The following ZNF66 variants were observed in gnomAD, a reference collection of about 807,000 sequenced individuals.
ZNF66 encodes the protein zinc finger protein 66, also known as putative zinc finger protein 66.
A neutral mutation model predicts 35.2 loss-of-function variants in ZNF66; 32 were observed. That is an observed-to-expected ratio of 0.91 (90% CI 0.69 to 1.22). ZNF66 has a LOEUF of 1.22. Ranked by LOEUF, ZNF66 falls within the 50% of genes most tolerant of loss-of-function variation. ZNF66 has a pLI of 0.00. For missense variants in ZNF66, 666 were observed against 543.1 expected, an observed-to-expected ratio of 1.23 and a Z score of -2.25; for synonymous variants, 231 against 181.3, an observed-to-expected ratio of 1.27 and a Z score of -2.20.
At chr19:20,776,540 C>CG in intron 1 of ZNF66, 90 bp downstream of exon 1, 1 of 1,424,862 alleles carries the variant, frequency 7.0e-7, no homozygotes. Flanking sequence ...ATCTGCACCC[C>CG]GAATTCTCCT....
intron 3 of ZNF66, among the ~76,000 whole-genome samples, chr19:20,801,870 C>A (rs567597505): frequency 2.1e-5 from 3 of 139,962 alleles, no homozygotes; most frequent in African/African-American, 8.0e-5. Context: ...ATCAAGTAAT[C>A]GGCCCACCTT....
At chr19:20,790,129 G>A (rs1431954163) in intron 1 of ZNF66, among the ~76,000 whole-genome samples, 1 of 152,216 alleles carries the variant, frequency 6.6e-6, no homozygotes, top group Non-Finnish European at 1.5e-5. Context: ...ATAAAGTGGG[G>A]CCAAAATTAC....
At chr19:20,792,904 T>TAA (rs995423904) in intron 2 of ZNF66, among the ~76,000 whole-genome samples, 6 of 151,770 alleles carry the variant, frequency 4.0e-5, no homozygotes, top group Non-Finnish European at 5.9e-5. Flanking sequence ...CCAACTCTAA[T>TAA]AAAAGTACAA....
At position 20,806,074 on chromosome 19, in the gene ZNF66, AAATACAAACAGACATAAGAT is replaced by A; in HGVS notation, c.477_496del (p.Asn159LysfsTer18). 1 of 864,884 alleles carries A rather than the reference AAATACAAACAGACATAAGAT, an allele frequency of 1.2e-6. No homozygotes were observed. Among genetic ancestry groups the A allele is most frequent in the Non-Finnish European group, 1.9e-6 (1 of 518,342 alleles). 53.6% of individuals were successfully genotyped at this position (864,884 alleles called of 1,614,324 possible). A position where few individuals can be genotyped will look rare whatever the true frequency, so the allele number is the denominator to read the frequency against. ...ATGGGAAAGTCTTTCATCAATTTTCAAATACAAACAGACATAAGATAAGACATACTGGAAAAAACCCTTGC... is the reference window on the plus strand; with the variant it reads ...ATGGGAAAGTCTTTCATCAATTTTCAAAGACATACTGGAAAAAACCCTTGC... On this transcript the variant is annotated frameshift_variant, in exon 4 of 4. Transcript: ENST00000344519. LOFTEE classifies it high-confidence loss of function.
chr19:20,787,326 A>AAT (rs1568495021), intron 1 of ZNF66, among the ~76,000 whole-genome samples: 1 of 151,934 alleles, frequency 6.6e-6, no homozygotes, highest in Non-Finnish European at 1.5e-5. Context: ...AGCCTTTTTT[A>AAT]ATATATATAT....
At chr19:20,793,285 C>T (rs959679974) in intron 2 of ZNF66, among the ~76,000 whole-genome samples, 17 of 147,668 alleles carry the variant, frequency 1.2e-4, no homozygotes, top group Admixed American at 3.4e-4. Flanking sequence ...AGGAAACCTA[C>T]AAATTGAAAG....
intron 3 of ZNF66, chr19:20,798,985 C>T (rs1971421050): frequency 6.6e-6 from 1 of 151,012 alleles, no homozygotes; most frequent in Non-Finnish European, 1.5e-5. Context: ...CATGTATTTT[C>T]AATTATGTCT....
intron 3 of ZNF66, among the ~76,000 whole-genome samples, chr19:20,801,727 G>C (rs1053366072): frequency 2.6e-5 from 4 of 152,008 alleles, no homozygotes; most frequent in African/African-American, 9.7e-5. Context: ...CCCAAACTCA[G>C]ATGATCCTCT....
intron 3 of ZNF66, among the ~76,000 whole-genome samples, chr19:20,799,662 A>T (rs546682633): frequency 2.6e-5 from 4 of 152,276 alleles, no homozygotes; most frequent in Admixed American, 6.5e-5. Flanking sequence ...CAGTGTTGAC[A>T]TTCAGTTTTC....
At chr19:20,777,262 A>C (rs1971204071) in intron 1 of ZNF66, among the ~76,000 whole-genome samples, 1 of 152,080 alleles carries the variant, frequency 6.6e-6, no homozygotes, top group South Asian at 2.1e-4. Context: ...AGACATTTAT[A>C]AAATGCATGA....
chr19:20,794,561 T>G (rs1358220555), intron 3 of ZNF66: 1 of 151,742 alleles, frequency 6.6e-6, no homozygotes, highest in Non-Finnish European at 1.5e-5. Flanking sequence ...TAATATTTAT[T>G]CTTTTAATTC....
intron 1 of ZNF66, among the ~76,000 whole-genome samples, chr19:20,776,741 A>T (rs1971198485): frequency 6.6e-6 from 1 of 152,084 alleles, no homozygotes; most frequent in Non-Finnish European, 1.5e-5. Context: ...TCTTCAGGGG[A>T]GAATGCTGAC....
intron 1 of ZNF66, among the ~76,000 whole-genome samples, chr19:20,790,091 C>T (rs1479541394): frequency 6.6e-6 from 1 of 152,120 alleles, no homozygotes; most frequent in Admixed American, 6.5e-5. Flanking sequence ...ATGCATAGAC[C>T]CTTTTCAAAT....
chr19:20,799,078 T>TTTTTTTTTTTTTTTTTTTTTTC (rs1460346688), intron 3 of ZNF66: 3 of 139,994 alleles, frequency 2.1e-5, no homozygotes, highest in African/African-American at 8.0e-5. Context: ...TTTTTTTTTT[T>TTTTTTTTTTTTTTTTTTTTTTC]TGAGATGGAA....
At chr19:20,805,773 T>C (rs540344149) in intron 3 of ZNF66, 54 bp from the exon 4 acceptor site, 1 of 491,790 alleles carries the variant, frequency 2.0e-6, no homozygotes, top group African/African-American at 2.0e-5. Flanking sequence ...ATTTGTAAAG[T>C]ATATTTATCT....
At chr19:20,791,972 C>T (rs774096446) in intron 1 of ZNF66, among the ~76,000 whole-genome samples, 1 of 151,848 alleles carries the variant, frequency 6.6e-6, no homozygotes, top group Non-Finnish European at 1.5e-5. Context: ...AATTAAGGCT[C>T]TTATCTTTGT....
intron 2 of ZNF66, among the ~76,000 whole-genome samples, chr19:20,793,332 C>T (rs2358608): frequency 0.64 from 52,840 of 82,236 alleles, 16,828 homozygotes; most frequent in Non-Finnish European, 0.7. Context: ...CTTTTCTTTT[C>T]TTTTTTTTTT....
intron 1 of ZNF66, among the ~76,000 whole-genome samples, chr19:20,779,998 C>T (rs1300171230): frequency 1.3e-5 from 2 of 151,596 alleles, no homozygotes; most frequent in Non-Finnish European, 2.9e-5. Context: ...GTAATCCCAG[C>T]TACTTGGGAG....
intron 1 of ZNF66, among the ~76,000 whole-genome samples, chr19:20,791,283 G>A (rs1422770036): frequency 7.2e-5 from 11 of 151,938 alleles, no homozygotes; most frequent in Admixed American, 7.2e-4. Context: ...TCAGGAATTC[G>A]AGACCAACCT....
Sources: allele counts gnomAD v4.1 joint callset (sites outside exome capture counted in the v4.1 genomes callset), GRCh38; gene constraint gnomAD v4.1.1; transcripts MANE v1.5; gene names NCBI Gene and HGNC (gene_info 2026-07-23, HGNC 2026-07-21).